CPEB1: variants seen among roughly 807,000 people sequenced by gnomAD.
CPEB1 encodes cytoplasmic polyadenylation element binding protein 1.
In CPEB1, 7 loss-of-function variants were observed where a neutral mutation model predicts 65.8. That is an observed-to-expected ratio of 0.11 (90% CI 0.06 to 0.20). The LOEUF is 0.20. Ranked by LOEUF, CPEB1 falls within the 10% of genes least tolerant of loss-of-function variation. CPEB1 has a pLI of 1.00. For missense variants in CPEB1, 551 were observed against 712.2 expected (o/e 0.77, Z 2.58); for synonymous variants, 262 against 260.0 (o/e 1.01, Z -0.08).
In CPEB1 at chr15:82,574,722, C is replaced by CAAAAAAAAAAAAAAAAAAAAA. The variant is rs534968367; in HGVS notation, c.272-3211_272-3191dup. On this transcript the variant is annotated intron_variant, in intron 3 of 12. Coordinates refer to ENST00000684509, the MANE Select transcript of CPEB1 (RefSeq NM_001365242.1). ...TGGGCAACAGAGCTAGACTCGGTCT[C>CAAAAAAAAAAAAAAAAAAAAA]AAAAAAAAAAAAAAAAAAAAAAAAA... Among the ~76,000 whole-genome samples the CAAAAAAAAAAAAAAAAAAAAA allele has an allele frequency of 1.7e-4, 9 of 53,506 alleles. 1 individual carries two copies. Among genetic ancestry groups the CAAAAAAAAAAAAAAAAAAAAA allele is most frequent in the Admixed American group, 3.2e-4 (1 of 3,086 alleles). 35.1% of individuals were successfully genotyped at this position (53,506 alleles called of 152,430 possible). A position where few individuals can be genotyped will look rare whatever the true frequency, so the allele number is the denominator to read the frequency against.
chr15:82,584,893 T>A (rs1376882134), intron 3 of CPEB1, among the ~76,000 whole-genome samples: 1 of 126,218 alleles, frequency 7.9e-6, no homozygotes. Flanking sequence ...AATTTTTTTT[T>A]CCTAATTTGC....
At position 82,634,435 on chromosome 15, in the gene CPEB1, C is replaced by T. The variant is rs148814880; in HGVS notation, c.-97-5879G>A. On this transcript the variant is annotated intron_variant, in intron 1 of 12. Coordinates refer to ENST00000684509, the MANE Select transcript of CPEB1 (RefSeq NM_001365242.1). Reference sequence around the variant, plus strand: ...TCTTTACTTGGGGATACTCACCTGTCGTAAATGAATGCCAACTATCATCTC... The same window carrying T: ...TCTTTACTTGGGGATACTCACCTGTTGTAAATGAATGCCAACTATCATCTC... 4.0e-3 allele frequency among the ~76,000 whole-genome samples: 616 copies of T among 152,272 alleles called. 4 individuals are homozygous for T. Among genetic ancestry groups the T allele is most frequent in the African/African-American group, 0.014 (586 of 41,556 alleles).
At chr15:82,619,994 C>A (rs1257061252) in intron 3 of CPEB1, among the ~76,000 whole-genome samples, 1 of 152,162 alleles carries the variant, frequency 6.6e-6, no homozygotes, top group Non-Finnish European at 1.5e-5. Flanking sequence ...GGAAACAACT[C>A]AAATGCCTAT....
chr15:82,605,714 A>G (rs1340769039), intron 3 of CPEB1, among the ~76,000 whole-genome samples: 2 of 152,192 alleles, frequency 1.3e-5, no homozygotes, highest in South Asian at 2.1e-4. Flanking sequence ...AGTTAATTAT[A>G]AATCTGTATT....
intron 1 of CPEB1, among the ~76,000 whole-genome samples, chr15:82,646,452 G>A (rs752340036): frequency 1.2e-4 from 19 of 152,156 alleles, no homozygotes; most frequent in Non-Finnish European, 2.5e-4. Flanking sequence ...GGCTGCAGGC[G>A]CGGGGCGGGG....
At chr15:82,632,867 A>G (rs2046377626) in intron 1 of CPEB1, among the ~76,000 whole-genome samples, 2 of 152,116 alleles carry the variant, frequency 1.3e-5, no homozygotes, top group Admixed American at 6.5e-5. Context: ...ATATGAATTC[A>G]TAGTTCCTCA....
At position 82,629,643 on chromosome 15, in the gene CPEB1, A is replaced by G. The variant is rs1280810503; in HGVS notation, c.-97-1087T>C. 5.1e-6 allele frequency: 5 copies of G among 985,296 alleles called. No homozygotes were observed. In the Admixed American group the frequency reaches 1.8e-4, roughly 36 times the overall value. 61.0% of individuals were successfully genotyped at this position (985,296 alleles called of 1,614,324 possible). A position where few individuals can be genotyped will look rare whatever the true frequency, so the allele number is the denominator to read the frequency against. On this transcript the variant is annotated intron_variant, in intron 1 of 12. Transcript: ENST00000684509. ...CAATGAAATATTGGTTGACAGATTG[A>G]GTTTTTTAAGGGGAGCCTGCCTCAT...
chr15:82,577,770 G>C (rs192692236), intron 3 of CPEB1, among the ~76,000 whole-genome samples: 89 of 151,852 alleles, frequency 5.9e-4, no homozygotes, highest in Admixed American at 1.2e-3. Context: ...TGATCTGCCT[G>C]CCCCAGCCTC....
chr15:82,549,662 A>T lies in CPEB1; in HGVS notation c.1282-4T>A, dbSNP rs1595996057. 2 of 1,613,890 alleles carry T rather than the reference A, an allele frequency of 1.2e-6. No homozygotes were observed. The highest frequency in any genetic ancestry group is 3.3e-5 in the Admixed American group (2 of 59,990). ...ATACCCAGGGGATCACCTGCACCTG[A>T]AAACCACCCAAAGGTGTATCAGCCC... On this transcript the variant is annotated splice_polypyrimidine_tract_variant and splice_region_variant and intron_variant, in intron 9 of 12. Transcript: ENST00000684509.
chr15:82,570,530 G>C (rs1487871334), intron 4 of CPEB1, among the ~76,000 whole-genome samples: 1 of 152,084 alleles, frequency 6.6e-6, no homozygotes, highest in African/African-American at 2.4e-5. Context: ...TCCAAGACTT[G>C]TATTTAGGCA....
At chr15:82,565,434 G>A (rs2038963984) in intron 4 of CPEB1, among the ~76,000 whole-genome samples, 1 of 152,162 alleles carries the variant, frequency 6.6e-6, no homozygotes, top group Non-Finnish European at 1.5e-5. Flanking sequence ...CCACCAGCTG[G>A]GAATCAGAAG....
intron 5 of CPEB1, 91 bp downstream of exon 5, chr15:82,557,669 C>T: frequency 9.4e-7 from 1 of 1,059,602 alleles, no homozygotes; most frequent in Non-Finnish European, 1.4e-6. Context: ...TTCCAGGGGA[C>T]AGGCATCCCA....
At chr15:82,587,814 T>C (rs2041918915) in intron 3 of CPEB1, among the ~76,000 whole-genome samples, 1 of 152,240 alleles carries the variant, frequency 6.6e-6, no homozygotes, top group South Asian at 2.1e-4. Context: ...GGATGCTATC[T>C]GGTCATATGT....
At chr15:82,625,375 T>C (rs1011892882) in intron 3 of CPEB1, among the ~76,000 whole-genome samples, 2 of 152,130 alleles carry the variant, frequency 1.3e-5, no homozygotes, top group Non-Finnish European at 2.9e-5. Flanking sequence ...GTCACTCCCT[T>C]AATATGCCTC....
At chr15:82,647,868 C>G, upstream of CPEB1, 5 of 1,267,350 alleles carry the variant, frequency 3.9e-6, no homozygotes, top group Non-Finnish European at 5.0e-6. Context: ...GCGGGAACGC[C>G]ATGGGGCCGG....
At chr15:82,632,665 C>T (rs979122423) in intron 1 of CPEB1, among the ~76,000 whole-genome samples, 17 of 152,110 alleles carry the variant, frequency 1.1e-4, no homozygotes, top group South Asian at 2.1e-4. Flanking sequence ...CAGACAGGCG[C>T]CACCATGCCC....
chr15:82,635,608 G>A (rs1232863717), intron 1 of CPEB1, among the ~76,000 whole-genome samples: 2 of 152,058 alleles, frequency 1.3e-5, no homozygotes, highest in Non-Finnish European at 2.9e-5. Context: ...ATATTATTTC[G>A]TAAATGCTGA....
At chr15:82,554,745 G>T (rs886488775) in intron 6 of CPEB1, among the ~76,000 whole-genome samples, 4 of 152,180 alleles carry the variant, frequency 2.6e-5, no homozygotes, top group Admixed American at 2.0e-4. Context: ...CCAATGAAAG[G>T]AACTATCATT....
At chr15:82,648,035 G>T (rs1272765392), upstream of CPEB1, 3 of 470,942 alleles carry the variant, frequency 6.4e-6, no homozygotes, top group East Asian at 7.6e-5. Context: ...CCCCCGGCCG[G>T]ATGCGGAGCA....
Sources: gnomAD v4.1 joint callset for allele counts (sites outside exome capture counted in the v4.1 genomes callset) on GRCh38, gnomAD v4.1.1 for gene constraint, MANE v1.5 for transcripts, NCBI Gene and HGNC (gene_info 2026-07-23, HGNC 2026-07-21) for gene names.